C4orf50: variants seen among roughly 807,000 people sequenced by gnomAD.
C4orf50 encodes uncharacterized protein C4orf50.
In C4orf50, 80 loss-of-function variants were observed where a neutral mutation model predicts 77.2. The observed-to-expected ratio is 1.04, with a 90% CI of 0.87 to 1.25. C4orf50 has a LOEUF of 1.25. Ranked by LOEUF, C4orf50 falls within the 50% of genes most tolerant of loss-of-function variation. The pLI, the probability that C4orf50 is intolerant of heterozygous loss-of-function variation, is 0.00. For missense variants in C4orf50, 1,257 were observed against 1,152.9 expected (o/e 1.09, Z -1.31); for synonymous variants, 532 against 465.3 (o/e 1.14, Z -1.84).
At chr4:5,991,344 C>T (rs1297920688) in intron 27 of C4orf50, among the ~76,000 whole-genome samples, 1 of 152,188 alleles carries the variant, frequency 6.6e-6, no homozygotes, top group Non-Finnish European at 1.5e-5. Context: ...CTGTCTTGGG[C>T]AGTGCAGATG....
At chr4:5,950,741 T>C (rs1255877991) in intron 7 of C4orf50, among the ~76,000 whole-genome samples, 4 of 152,220 alleles carry the variant, frequency 2.6e-5, no homozygotes, top group Admixed American at 2.6e-4. Context: ...CGATCAGGAC[T>C]TGAAATTACA....
At chr4:5,940,815 C>T (rs1170694624) in intron 7 of C4orf50, among the ~76,000 whole-genome samples, 1 of 152,192 alleles carries the variant, frequency 6.6e-6, no homozygotes, top group African/African-American at 2.4e-5. Flanking sequence ...TCTTTTGGAA[C>T]CATGCCTTTA....
At chr4:5,995,208 G>T (rs528882622) in intron 25 of C4orf50, among the ~76,000 whole-genome samples, 1 of 151,992 alleles carries the variant, frequency 6.6e-6, no homozygotes, top group African/African-American at 2.4e-5. Flanking sequence ...CACAGCCCAG[G>T]GCACCCTGGA....
At chr4:6,012,689 A>G (rs1722537031) in intron 23 of C4orf50, among the ~76,000 whole-genome samples, 2 of 152,202 alleles carry the variant, frequency 1.3e-5, no homozygotes. Context: ...CATAGAACCC[A>G]GACTGGATGT....
chr4:5,978,979 TGGAAATTATA>T (rs2108779928), intron 29 of C4orf50, among the ~76,000 whole-genome samples: 2 of 152,346 alleles, frequency 1.3e-5, no homozygotes, highest in South Asian at 4.1e-4. Context: ...GGAGAAGAGC[TGGAAATTATA>T]CCGTAATGCT....
chr4:5,937,209 A>G (rs1462741609), intron 7 of C4orf50, among the ~76,000 whole-genome samples: 2 of 152,312 alleles, frequency 1.3e-5, no homozygotes, highest in African/African-American at 4.8e-5. Context: ...TATTAACTAT[A>G]TAAAATAATA....
At chr4:5,990,898 C>T in intron 27 of C4orf50, 74 bp from the exon 6 acceptor site, 2 of 398,526 alleles carry the variant, frequency 5.0e-6, no homozygotes, top group Non-Finnish European at 4.4e-6. Context: ...CCACTCACCT[C>T]CTGGGGTTCT....
exon 28 of C4orf50, chr4:5,988,674 T>G: frequency 1.3e-6 from 2 of 1,536,054 alleles, no homozygotes; most frequent in South Asian, 2.4e-5. Context: ...GCATCTTGGC[T>G]TTTCCCTGGA....
At chr4:5,917,406 CTTTTTT>C (rs34928524) in intron 7 of C4orf50, among the ~76,000 whole-genome samples, 1 of 86,402 alleles carries the variant, frequency 1.2e-5, no homozygotes, top group Non-Finnish European at 2.4e-5. Flanking sequence ...TCCTGTATTT[CTTTTTT>C]TTTTTTTTTT....
chr4:5,914,243 C>T (rs1217630439), intron 7 of C4orf50, among the ~76,000 whole-genome samples: 3 of 118,542 alleles, frequency 2.5e-5, no homozygotes, highest in Admixed American at 1.2e-4. Flanking sequence ...CTCGCTCTGT[C>T]GCCCAGGCTG....
At chr4:5,975,942 T>C in exon 30 of C4orf50, 1 of 1,613,976 alleles carries the variant, frequency 6.2e-7, no homozygotes, top group South Asian at 1.1e-5. Flanking sequence ...TTGCTTTTTC[T>C]GAAGTTCTTC....
intron 7 of C4orf50, among the ~76,000 whole-genome samples, chr4:5,925,654 C>A (rs991788502): frequency 2.0e-5 from 3 of 152,256 alleles, no homozygotes; most frequent in Non-Finnish European, 2.9e-5. Context: ...AGCTTCCACC[C>A]AGCACTGCCT....
In C4orf50 at chr4:6,011,550, A is replaced by G. The variant is rs1369626769; in HGVS notation, c.426+280T>C. Among the ~76,000 whole-genome samples the G allele has an allele frequency of 1.3e-5, 2 of 152,058 alleles. No homozygotes were observed. Among genetic ancestry groups the G allele is most frequent in the Admixed American group, 1.3e-4 (2 of 15,272 alleles). ...CTGCATAAGAGCTCCGGACCCCAGG[A>G]GCCCTGCATCAGCCAACTCCTGTCC... On this transcript the variant is annotated intron_variant, in intron 24 of 33. Coordinates refer to ENST00000531445, the Ensembl canonical transcript of C4orf50. The surrounding 1 kb of genome is among the most constrained non-coding windows in gnomAD (Gnocchi z 4.2).
At chr4:5,989,297 C>G in exon 28 of C4orf50, 1 of 1,536,032 alleles carries the variant, frequency 6.5e-7, no homozygotes, top group Non-Finnish European at 8.7e-7. Flanking sequence ...TCGAGGGCAC[C>G]CCAGGGCTCA....
chr4:5,942,011 T>A (rs912189243), intron 7 of C4orf50, among the ~76,000 whole-genome samples: 1 of 152,232 alleles, frequency 6.6e-6, no homozygotes, highest in African/African-American at 2.4e-5. Flanking sequence ...TTCAGCTCAA[T>A]TGTGCATGCA....
chr4:6,014,004 TG>T (rs1553921017), intron 23 of C4orf50, among the ~76,000 whole-genome samples: 22,493 of 139,152 alleles, frequency 0.16, 1,894 homozygotes, highest in Non-Finnish European at 0.19. Flanking sequence ...TTAAGTTGTG[TG>T]TTTTTTTTTT....
At chr4:5,920,749 T>G (rs1158085760) in intron 7 of C4orf50, among the ~76,000 whole-genome samples, 1 of 152,198 alleles carries the variant, frequency 6.6e-6, no homozygotes, top group Non-Finnish European at 1.5e-5. Context: ...GTGCTGGGAT[T>G]ACAGGCGTGA....
intron 33 of C4orf50, among the ~76,000 whole-genome samples, chr4:5,962,727 T>C (rs1279145772): frequency 1.3e-5 from 2 of 152,204 alleles, no homozygotes; most frequent in Non-Finnish European, 2.9e-5. Flanking sequence ...TTCTCACAGG[T>C]TAAGTGGAGC....
intron 7 of C4orf50, among the ~76,000 whole-genome samples, chr4:5,913,938 G>C (rs1389366959): frequency 2.6e-5 from 4 of 152,142 alleles, no homozygotes; most frequent in Admixed American, 6.5e-5. Flanking sequence ...TGAAGACAAA[G>C]ATTTATAGAC....
Sources: allele counts gnomAD v4.1 joint callset (sites outside exome capture counted in the v4.1 genomes callset), GRCh38; gene constraint gnomAD v4.1.1; non-coding constraint Gnocchi (gnomAD v3.1); transcripts MANE v1.5; gene names NCBI Gene and HGNC (gene_info 2026-07-23, HGNC 2026-07-21).